GTF3C4: variants seen among roughly 807,000 people sequenced by gnomAD.
The protein encoded by GTF3C4 is general transcription factor 3C polypeptide 4.
GTF3C4 carries 28 observed loss-of-function variants against 67.5 expected under a neutral mutation model. That is an observed-to-expected ratio of 0.41 (90% CI 0.31 to 0.57). The LOEUF (loss-of-function observed/expected upper bound fraction) is 0.57. Ranked by LOEUF, GTF3C4 falls within the 20% of genes least tolerant of loss-of-function variation. GTF3C4 has a pLI of 0.21. For missense variants in GTF3C4, 831 were observed against 1,033.2 expected (o/e 0.80, Z 2.68); for synonymous variants, 409 against 393.0 (o/e 1.04, Z -0.48).
chr9:132,681,214 A>G (rs137907559), intron 2 of GTF3C4, among the ~76,000 whole-genome samples: 125 of 152,344 alleles, frequency 8.2e-4, no homozygotes, highest in African/African-American at 2.8e-3. Context: ...AGAGTCAGTG[A>G]AAAATTAGCA....
At chr9:132,677,678 G>A (rs1388047572) in intron 1 of GTF3C4, among the ~76,000 whole-genome samples, 1 of 152,208 alleles carries the variant, frequency 6.6e-6, no homozygotes, top group African/African-American at 2.4e-5. Flanking sequence ...TTCAGATAAA[G>A]GACCTAAAGC....
Position 132,679,891 on chromosome 9 carries a change from A to G in GTF3C4, c.2184+88A>G. ...GACCTAAATTGAGTTCCTGAAGCTCAACTTTTGCTTTGACATTTTTTAGGT... is the reference window on the plus strand; with the variant it reads ...GACCTAAATTGAGTTCCTGAAGCTCGACTTTTGCTTTGACATTTTTTAGGT... On this transcript the variant is annotated intron_variant, in intron 2 of 4. Coordinates refer to ENST00000372146, the MANE Select transcript of GTF3C4 (RefSeq NM_012204.4). The surrounding 1 kb of genome is among the most constrained non-coding windows in gnomAD (Gnocchi z 5.9). The G allele has an allele frequency of 1.6e-6, 2 of 1,281,142 alleles. No individual in the cohort carries two copies. Among genetic ancestry groups the G allele is most frequent in the Non-Finnish European group, 2.1e-6 (2 of 932,006 alleles). 79.4% of individuals were successfully genotyped at this position (1,281,142 alleles called of 1,614,324 possible).
Position 132,694,935 on chromosome 9 carries a change from A to C in GTF3C4, c.*5990A>C, listed in dbSNP as rs1836174527. On this transcript the variant is annotated 3_prime_UTR_variant, in exon 5 of 5. Transcript: ENST00000372146. The stretch of plus-strand genomic sequence containing the variant: ...TTTGGCCACTTTTTTATTCAAAATA[A>C]ATAACATAATTATTTGTATAGTGCG... 6.6e-6 allele frequency: 1 copy of C among 152,234 alleles called. No individual in the cohort carries two copies. The highest frequency in any genetic ancestry group is 1.5e-5 in the Non-Finnish European group (1 of 68,042). The allele number at this position is 152,234 out of a possible 1,614,324, so 9.4% of individuals were successfully genotyped here. A position where few individuals can be genotyped will look rare whatever the true frequency, so the allele number is the denominator to read the frequency against.
intron 1 of GTF3C4, among the ~76,000 whole-genome samples, chr9:132,672,931 T>C (rs1835806876): frequency 6.6e-6 from 1 of 152,222 alleles, no homozygotes; most frequent in Non-Finnish European, 1.5e-5. Flanking sequence ...ACGCCTGTAA[T>C]CCCAGCACTT....
intron 1 of GTF3C4, 64 bp from the exon 2 acceptor site, chr9:132,677,913 T>C: frequency 7.5e-7 from 1 of 1,328,962 alleles, no homozygotes; most frequent in Non-Finnish European, 1.0e-6. Flanking sequence ...CTGACTTATT[T>C]TAAAAAATTG....
chr9:132,687,090 G>C, intron 3 of GTF3C4, 149 bp from the exon 4 acceptor site: 1 of 701,494 alleles, frequency 1.4e-6, no homozygotes, highest in Non-Finnish European at 2.6e-6. Flanking sequence ...TGCACAGGGG[G>C]ATGCATTGTT....
rs751174269 is a variant in GTF3C4, at chr9:132,688,973, C to T, written c.*28C>T. ...AATCAGTGACGGGAAGATGGAAGGG[C>T]ATGATGAACTCTGCCATAGAAAACT... On this transcript the variant is annotated 3_prime_UTR_variant, in exon 5 of 5. Coordinates refer to ENST00000372146, the MANE Select transcript of GTF3C4 (RefSeq NM_012204.4). The T allele has an allele frequency of 2.7e-5, 41 of 1,523,266 alleles. No homozygotes were observed. The highest frequency in any genetic ancestry group is 3.5e-5 in the Non-Finnish European group (39 of 1,098,630). 94.4% of individuals were successfully genotyped at this position (1,523,266 alleles called of 1,614,324 possible). A position where few individuals can be genotyped will look rare whatever the true frequency, so the allele number is the denominator to read the frequency against.
chr9:132,671,555 A>T (rs1469097464), intron 1 of GTF3C4, among the ~76,000 whole-genome samples: 1 of 152,160 alleles, frequency 6.6e-6, no homozygotes, highest in African/African-American at 2.4e-5. Flanking sequence ...TACTAGCTAA[A>T]CATCTTTGGG....
At chr9:132,685,069 C>T (rs539105829) in intron 3 of GTF3C4, among the ~76,000 whole-genome samples, 1 of 145,738 alleles carries the variant, frequency 6.9e-6, no homozygotes, top group Non-Finnish European at 1.5e-5. Flanking sequence ...GGCTGGAGTG[C>T]AGTGGCACAA....
chr9:132,670,772 G>C lies in GTF3C4; in HGVS notation c.174G>C (p.Val58=). The C allele has an allele frequency of 6.3e-7, 1 of 1,578,706 alleles. No homozygotes were observed. Among genetic ancestry groups the C allele is most frequent in the Non-Finnish European group, 8.6e-7 (1 of 1,167,892 alleles). The stretch of plus-strand genomic sequence containing the variant: ...TGGTGACTCGGCGGGAGCCGGCCGT[G>C]AAGCTGCAGTATGCGGTGAGCGGCC... ...RLMVTRREPA[V]KLQYAVSGLE... is the part of the protein sequence containing the mutation. The change falls in exon 1 of 5, where the codon GTG becomes GTC. Residue 58 remains valine, a synonymous_variant. Coordinates refer to ENST00000372146, the MANE Select transcript of GTF3C4 (RefSeq NM_012204.4).
chr9:132,682,093 C>T (rs959917111), intron 2 of GTF3C4, among the ~76,000 whole-genome samples: 2 of 151,710 alleles, frequency 1.3e-5, no homozygotes, highest in Non-Finnish European at 2.9e-5. Context: ...AACAGCGAGA[C>T]CCTGTCTTAA....
rs554950786 is a variant in GTF3C4 at position 132,672,043 on chromosome 9, CTGT to C, written c.357+1093_357+1095del. ...CTTAATTCAAGTTTCAAACATCTTT[CTGT>C]TGTTAGATTGTTAGTCAGCTTGTAT... On this transcript the variant is annotated intron_variant, in intron 1 of 4. Transcript: ENST00000372146. Among the ~76,000 whole-genome samples, 7 of 152,300 alleles carry C rather than the reference CTGT, an allele frequency of 4.6e-5. No homozygotes were observed. The South Asian group carries it at 8.3e-4, about 18-fold the overall frequency.
intron 1 of GTF3C4, among the ~76,000 whole-genome samples, chr9:132,677,599 A>T (rs1482387586): frequency 6.6e-6 from 1 of 152,240 alleles, no homozygotes; most frequent in Non-Finnish European, 1.5e-5. Flanking sequence ...GATTAGAGTG[A>T]ACATTATTCT....
intron 3 of GTF3C4, among the ~76,000 whole-genome samples, chr9:132,686,721 C>G (rs1836034868): frequency 6.6e-6 from 1 of 152,110 alleles, no homozygotes; most frequent in South Asian, 2.1e-4. Context: ...CTGTCAGAGT[C>G]TTAAAGACAC....
intron 3 of GTF3C4, among the ~76,000 whole-genome samples, chr9:132,684,533 C>T (rs1443369321): frequency 6.6e-6 from 1 of 152,180 alleles, no homozygotes; most frequent in Admixed American, 6.5e-5. Context: ...AAACTAAAAC[C>T]CTCTCAGTGA....
At chr9:132,675,332 A>G (rs1835848372) in intron 1 of GTF3C4, among the ~76,000 whole-genome samples, 2 of 152,188 alleles carry the variant, frequency 1.3e-5, no homozygotes, top group Non-Finnish European at 2.9e-5. Flanking sequence ...GCCTGTAGAA[A>G]GCACCGGGCT....
At chr9:132,670,423 C>T, upstream of GTF3C4, 1 of 1,013,886 alleles carries the variant, frequency 9.9e-7, no homozygotes, top group Non-Finnish European at 1.3e-6. Flanking sequence ...GTTCCTTGGC[C>T]ACCTGGTAGG....
intron 1 of GTF3C4, 28 bp downstream of exon 1, chr9:132,670,983 T>C (rs1835728091): frequency 6.9e-7 from 1 of 1,446,924 alleles, no homozygotes; most frequent in Admixed American, 1.7e-5. Flanking sequence ...ATCCCTGGGG[T>C]CTTCCCCTGT....
At chr9:132,673,987 C>T (rs893005896) in intron 1 of GTF3C4, among the ~76,000 whole-genome samples, 1 of 151,950 alleles carries the variant, frequency 6.6e-6, no homozygotes, top group African/African-American at 2.4e-5. Flanking sequence ...ATTTGTGTAC[C>T]GAATTGTATT....
Sources: gnomAD v4.1 joint callset for allele counts (sites outside exome capture counted in the v4.1 genomes callset) on GRCh38, gnomAD v4.1.1 for gene constraint, Gnocchi (gnomAD v3.1) non-coding constraint, MANE v1.5 for transcripts, NCBI Gene and HGNC (gene_info 2026-07-23, HGNC 2026-07-21) for gene names.